The following RTN1 variants were observed in gnomAD, a reference collection of about 807,000 sequenced individuals.
RTN1 encodes the protein reticulon-1.
RTN1 carries 25 observed loss-of-function variants against 65.5 expected under a neutral mutation model. That is an observed-to-expected ratio of 0.38 (90% CI 0.28 to 0.53). RTN1 has a LOEUF of 0.53. Among genes scored for constraint, RTN1 ranks in the 20% least tolerant of loss-of-function variants. The pLI is 0.79. For missense variants in RTN1, 983 were observed against 1,025.4 expected (o/e 0.96, Z 0.57); for synonymous variants, 471 against 447.6 (o/e 1.05, Z -0.66).
chr14:59,687,296 A>C (rs968654875), intron 3 of RTN1, among the ~76,000 whole-genome samples: 21 of 151,994 alleles, frequency 1.4e-4, no homozygotes, highest in African/African-American at 5.1e-4. Flanking sequence ...CTTCATGGAT[A>C]TAGATCATGG....
intron 3 of RTN1, among the ~76,000 whole-genome samples, chr14:59,725,954 A>G (rs373090835): frequency 1.3e-5 from 2 of 152,190 alleles, no homozygotes; most frequent in South Asian, 2.1e-4. Flanking sequence ...AGTAGAAGAG[A>G]TGGGTGGGAG....
intron 3 of RTN1, among the ~76,000 whole-genome samples, chr14:59,689,211 T>C (rs534625093): frequency 3.3e-5 from 5 of 152,138 alleles, no homozygotes; most frequent in African/African-American, 9.6e-5. Flanking sequence ...GAAGAAAGAA[T>C]TTCAGTGCGT....
intron 3 of RTN1, among the ~76,000 whole-genome samples, chr14:59,670,050 A>G (rs1012809098): frequency 1.3e-4 from 20 of 152,326 alleles, no homozygotes; most frequent in African/African-American, 4.8e-4. Flanking sequence ...GAATAACTAA[A>G]TGAATGGGTT....
At chr14:59,707,948 A>G (rs1366067741) in intron 3 of RTN1, among the ~76,000 whole-genome samples, 1 of 152,200 alleles carries the variant, frequency 6.6e-6, no homozygotes, top group Non-Finnish European at 1.5e-5. Context: ...AGTAAGCCAG[A>G]TGGGGTAGAA....
chr14:59,607,942 T>G (rs1032287844), intron 3 of RTN1, among the ~76,000 whole-genome samples: 1 of 151,454 alleles, frequency 6.6e-6, no homozygotes, highest in Admixed American at 6.6e-5. Flanking sequence ...GGAGCTGACA[T>G]GTGGACTAAA....
At position 59,790,971 on chromosome 14, in the gene RTN1, C is replaced by T. The variant is rs182374408; in HGVS notation, c.242-44490G>A. ...TTATTTATTACTTTGGTAGCAATAT[C>T]ATTTTGGCCCTCAATTCATTTCTTT... On this transcript the variant is annotated intron_variant, in intron 1 of 8. Coordinates refer to ENST00000267484, the MANE Select transcript of RTN1 (RefSeq NM_021136.3). The surrounding 1 kb of genome is among the most constrained non-coding windows in gnomAD (Gnocchi z 4.1). 1.4e-4 allele frequency among the ~76,000 whole-genome samples: 22 copies of T among 152,272 alleles called. No homozygotes were observed. The highest frequency in any genetic ancestry group is 5.1e-4 in the African/African-American group (21 of 41,566).
At chr14:59,827,378 G>A (rs1026040130) in intron 1 of RTN1, among the ~76,000 whole-genome samples, 1 of 152,072 alleles carries the variant, frequency 6.6e-6, no homozygotes, top group Non-Finnish European at 1.5e-5. Flanking sequence ...GCGCCCCGCT[G>A]TATGTGGTTC....
intron 3 of RTN1, among the ~76,000 whole-genome samples, chr14:59,665,561 G>T (rs561018961): frequency 6.6e-6 from 1 of 152,044 alleles, no homozygotes; most frequent in Admixed American, 6.6e-5. Context: ...AGCAAACATC[G>T]TAGTGAGAGG....
At position 59,868,325 on chromosome 14, in the gene RTN1, C is replaced by T. The variant is rs1287488256; in HGVS notation, c.241+2065G>A. ...TCTATATAAATATGCAAAATATGTG[C>T]TCCTTCCATCTTTCTTCATTCTTCT... On this transcript the variant is annotated intron_variant, in intron 1 of 8. Transcript: ENST00000267484. This position sits in a 1 kb window ranked among gnomAD's most constrained non-coding sequence, Gnocchi z 4.0. Among the ~76,000 whole-genome samples the T allele has an allele frequency of 6.6e-6, 1 of 152,158 alleles. No individual in the cohort carries two copies. The highest frequency in any genetic ancestry group is 1.5e-5 in the Non-Finnish European group (1 of 68,030).
rs374227879 is a variant in RTN1 at position 59,745,857 on chromosome 14, T to G, written c.866A>C (p.Glu289Ala). The G allele has an allele frequency of 1.2e-5, 19 of 1,613,932 alleles. No individual in the cohort carries two copies. Among genetic ancestry groups the G allele is most frequent in the Admixed American group, 1.7e-5 (1 of 59,986 alleles). The change falls in exon 2 of 9, where the codon GAA becomes GCA. Residue 289 changes from glutamate (E) to alanine (A), a missense_variant. By Grantham distance (107) the Glu-to-Ala change is moderately radical. Around this residue, in one of 2 missense-constraint regions of RTN1, gnomAD observed 818 missense variants for 801.8 expected, o/e 1.02. Coordinates refer to ENST00000267484, the MANE Select transcript of RTN1 (RefSeq NM_021136.3). ...TTGGGTAGTGGTTTCAACAGAAGGTTCTATTTCCGTCAGTGTGATTTTGAC... is the reference window on the plus strand; with the variant it reads ...TTGGGTAGTGGTTTCAACAGAAGGTGCTATTTCCGTCAGTGTGATTTTGAC... ...TPVKITLTEIEPSVETTTQEK... is the reference protein window; with the variant it reads ...TPVKITLTEIAPSVETTTQEK...
At chr14:59,611,898 G>C (rs1279741939) in intron 3 of RTN1, among the ~76,000 whole-genome samples, 2 of 152,256 alleles carry the variant, frequency 1.3e-5, no homozygotes, top group East Asian at 3.9e-4. Flanking sequence ...AAATCCAGCA[G>C]GCCTAACTCA....
chr14:59,708,460 G>C lies in RTN1; in HGVS notation c.1765+18459C>G, dbSNP rs140685986. Among the ~76,000 whole-genome samples the C allele has an allele frequency of 4.0e-3, 613 of 152,322 alleles. 14 individuals are homozygous for C. Among genetic ancestry groups the C allele is most frequent in the Admixed American group, 0.035 (530 of 15,300 alleles). ...TCCAATTGCTTCAGTGTTAGACAGCGTGGCTCATCATTTTCTCTCTTAACT... is the reference window on the plus strand; with the variant it reads ...TCCAATTGCTTCAGTGTTAGACAGCCTGGCTCATCATTTTCTCTCTTAACT... On this transcript the variant is annotated intron_variant, in intron 3 of 8. Transcript: ENST00000267484.
At chr14:59,655,989 T>C (rs1179587213) in intron 3 of RTN1, among the ~76,000 whole-genome samples, 1 of 152,122 alleles carries the variant, frequency 6.6e-6, no homozygotes, top group Non-Finnish European at 1.5e-5. Context: ...ACAACTAAAA[T>C]ATCCATCAGT....
chr14:59,844,415 T>C (rs1286027806), intron 1 of RTN1, among the ~76,000 whole-genome samples: 1 of 152,184 alleles, frequency 6.6e-6, no homozygotes, highest in African/African-American at 2.4e-5. Context: ...TTTTAAAACC[T>C]TTAAAAGGTT....
chr14:59,597,906 CA>C (rs750302148), intron 8 of RTN1, among the ~76,000 whole-genome samples: 1 of 151,928 alleles, frequency 6.6e-6, no homozygotes, highest in African/African-American at 2.4e-5. Context: ...GGGGTATGGA[CA>C]GGGGAGGTCT....
At chr14:59,742,936 A>G (rs571136212) in intron 2 of RTN1, among the ~76,000 whole-genome samples, 3 of 152,358 alleles carry the variant, frequency 2.0e-5, no homozygotes, top group Admixed American at 2.0e-4. Flanking sequence ...AAAGGCTTCA[A>G]TGAGAAGCTG....
chr14:59,865,405 T>C (rs1241954889), intron 1 of RTN1, among the ~76,000 whole-genome samples: 3 of 152,222 alleles, frequency 2.0e-5, no homozygotes, highest in Admixed American at 1.3e-4. Flanking sequence ...CTCATCAAAG[T>C]AGTAATACAA....
intron 3 of RTN1, among the ~76,000 whole-genome samples, chr14:59,643,517 C>T (rs1375244459): frequency 6.6e-6 from 1 of 152,322 alleles, no homozygotes; most frequent in East Asian, 1.9e-4. Context: ...CACACCTGGC[C>T]TCCTGAACTT....
At chr14:59,720,252 T>A (rs5809045) in intron 3 of RTN1, among the ~76,000 whole-genome samples, 22,578 of 150,296 alleles carry the variant, frequency 0.15, 2,041 homozygotes, top group South Asian at 0.27. Flanking sequence ...GCCACCATTT[T>A]AAAAAAAAAA....
Sources: gnomAD v4.1 joint callset for allele counts (sites outside exome capture counted in the v4.1 genomes callset) on GRCh38, gnomAD v4.1.1 for gene constraint, gnomAD v4.1.1 regional missense constraint, Gnocchi (gnomAD v3.1) non-coding constraint, MANE v1.5 for transcripts, NCBI Gene and HGNC (gene_info 2026-07-23, HGNC 2026-07-21) for gene names.